The following CFAP54 variants were observed in gnomAD, a reference collection of about 807,000 sequenced individuals.
The protein encoded by CFAP54 is cilia and flagella associated protein 54.
A neutral mutation model predicts 370.4 loss-of-function variants in CFAP54; 290 were observed. The ratio of observed to expected loss-of-function variants is 0.78; its 90% CI spans 0.71 to 0.86. The LOEUF (loss-of-function observed/expected upper bound fraction) is 0.86. Ranked by LOEUF, CFAP54 falls within the 40% of genes least tolerant of loss-of-function variation. The pLI is 0.00. For synonymous variants in CFAP54, 1,206 were observed against 1,236.5 expected (o/e 0.98, Z 0.52); for missense variants, 3,399 against 3,528.7 (o/e 0.96, Z 0.93).
intron 3 of CFAP54, 95 bp downstream of exon 3, chr12:96,504,124 C>T: frequency 8.4e-7 from 1 of 1,190,286 alleles, no homozygotes; most frequent in Non-Finnish European, 1.1e-6. Flanking sequence ...GTTGGCTTAG[C>T]ATAGCATCTA....
chr12:96,651,543 A>G, intron 35 of CFAP54, 45 bp from the exon 36 acceptor site: 1 of 1,488,920 alleles, frequency 6.7e-7, no homozygotes, highest in Non-Finnish European at 9.3e-7. Context: ...AGAGATCTGT[A>G]ACTTTTGGAA....
rs993140240 is a variant in CFAP54 at position 96,621,455 on chromosome 12, G to GT, written c.3640-127dup. The GT allele has an allele frequency of 1.7e-3, 984 of 565,576 alleles. 6 individuals are homozygous for GT. Among genetic ancestry groups the GT allele is most frequent in the African/African-American group, 0.013 (708 of 52,648 alleles). The allele number at this position is 565,576 out of a possible 1,614,324, so 35.0% of individuals were successfully genotyped here. A position where few individuals can be genotyped will look rare whatever the true frequency, so the allele number is the denominator to read the frequency against. ...AATACGATCTGGAGGTAAACTTACG[G>GT]TTTTTTTTAAAATAAAAGGGGGATT... On this transcript the variant is annotated intron_variant, in intron 26 of 67. Transcript: ENST00000524981.
chr12:96,843,854 G>T (rs1049413503), intron 66 of CFAP54, among the ~76,000 whole-genome samples: 4 of 152,156 alleles, frequency 2.6e-5, no homozygotes, highest in Admixed American at 2.6e-4. Context: ...CTAAGAGGCT[G>T]CCTGGAGTAG....
Position 96,869,125 on chromosome 12 carries a change from T to C in CFAP54, c.*15-5993T>C, listed in dbSNP as rs143668720. ...CAAAACAATATCCATTTCTGACTAA[T>C]TAGTTTAAAACAATTTGGGAGACAT... On this transcript the variant is annotated intron_variant, in intron 67 of 67. Transcript: ENST00000524981. 8.0e-4 allele frequency among the ~76,000 whole-genome samples: 122 copies of C among 152,334 alleles called. No individual in the cohort carries two copies. The East Asian group carries it at 0.02, about 25-fold the overall frequency.
intron 66 of CFAP54, among the ~76,000 whole-genome samples, chr12:96,843,046 A>G (rs1359264908): frequency 6.6e-6 from 1 of 152,182 alleles, no homozygotes; most frequent in African/African-American, 2.4e-5. Flanking sequence ...TGGACCCACA[A>G]GGTCTGTCCT....
chr12:96,807,919 C>T (rs945865747), intron 63 of CFAP54, among the ~76,000 whole-genome samples: 29 of 152,154 alleles, frequency 1.9e-4, no homozygotes, highest in Non-Finnish European at 4.4e-5. Context: ...ATAGGGATTA[C>T]ACATCTCCAT....
At chr12:96,803,329 G>A (rs1958842379) in intron 63 of CFAP54, among the ~76,000 whole-genome samples, 1 of 152,046 alleles carries the variant, frequency 6.6e-6, no homozygotes, top group Non-Finnish European at 1.5e-5. Context: ...CACAGCCTCT[G>A]TTGTTTCCTG....
chr12:96,655,586 A>T (rs1007466593), intron 36 of CFAP54, among the ~76,000 whole-genome samples: 18 of 152,174 alleles, frequency 1.2e-4, no homozygotes, highest in Admixed American at 2.0e-4. Context: ...AATACAGTGG[A>T]CAGAAGAACA....
intron 64 of CFAP54, among the ~76,000 whole-genome samples, chr12:96,814,542 G>T (rs972852733): frequency 6.6e-6 from 1 of 152,118 alleles, no homozygotes; most frequent in Non-Finnish European, 1.5e-5. Context: ...ATGACCTATT[G>T]TTTTTTAAGT....
intron 60 of CFAP54, among the ~76,000 whole-genome samples, chr12:96,771,125 C>T (rs1396969300): frequency 6.6e-6 from 1 of 152,172 alleles, no homozygotes; most frequent in Non-Finnish European, 1.5e-5. Context: ...GGGCCTGAAC[C>T]TGAGGACTTC....
intron 6 of CFAP54, among the ~76,000 whole-genome samples, chr12:96,520,902 T>C (rs1955302880): frequency 6.6e-6 from 1 of 152,232 alleles, no homozygotes; most frequent in South Asian, 2.1e-4. Context: ...CTGAAGGGTT[T>C]GATGCTGGTG....
In CFAP54 at chr12:96,740,052, A is replaced by G. The variant is rs930757853; in HGVS notation, c.7062A>G (p.Pro2354=). ...VQDDTENPVS[P]GTSVTENKDD... ...ATGACACAGAGAATCCTGTCTCTCC[A>G]GGAACTTCTGTAAGTATGACTTAAT... Residue 2354 remains proline, a synonymous_variant, in exon 51 of 68, where the codon CCA becomes CCG. Coordinates refer to ENST00000524981, the MANE Select transcript of CFAP54 (RefSeq NM_001306084.2). 6.3e-7 allele frequency: 1 copy of G among 1,576,128 alleles called. No homozygotes were observed. Among genetic ancestry groups the G allele is most frequent in the African/African-American group, 1.4e-5 (1 of 73,842 alleles).
rs187546639 is a variant in CFAP54 at position 96,652,958 on chromosome 12, A to G, written c.5100+1143A>G. On this transcript the variant is annotated intron_variant, in intron 36 of 67. Transcript: ENST00000524981. Reference sequence around the variant, plus strand: ...GAAGACATGTCAATCATAAATATGTATGTACCTAATAAGAAAAATTCAAAA... The same window carrying G: ...GAAGACATGTCAATCATAAATATGTGTGTACCTAATAAGAAAAATTCAAAA... 9.8e-5 allele frequency among the ~76,000 whole-genome samples: 15 copies of G among 152,374 alleles called. No homozygotes were observed. In the East Asian group the frequency reaches 2.9e-3, roughly 29 times the overall value.
At chr12:96,667,310 G>T (rs1193437890) in intron 39 of CFAP54, among the ~76,000 whole-genome samples, 1 of 152,158 alleles carries the variant, frequency 6.6e-6, no homozygotes, top group Admixed American at 6.5e-5. Context: ...GACTCTGTGT[G>T]GGGGCTCCAA....
Position 96,576,736 on chromosome 12 carries a change from C to G in CFAP54, c.2771C>G (p.Pro924Arg), listed in dbSNP as rs1345200686. The G allele has an allele frequency of 8.5e-6, 13 of 1,535,524 alleles. No individual in the cohort carries two copies. Among genetic ancestry groups the G allele is most frequent in the Non-Finnish European group, 1.1e-5 (13 of 1,146,594 alleles). The change falls in exon 20 of 68, where the codon CCT becomes CGT. Residue 924 changes from proline (P) to arginine (R), a missense_variant. By Grantham distance (103) the Pro-to-Arg change is moderately radical. Coordinates refer to ENST00000524981, the MANE Select transcript of CFAP54 (RefSeq NM_001306084.2). ...ACTCATTGTTCTGTGACACTCAAACCTGCTCCATTTACTTCAGAGGTTAAG... is the reference window on the plus strand; with the variant it reads ...ACTCATTGTTCTGTGACACTCAAACGTGCTCCATTTACTTCAGAGGTTAAG... ...SRTHCSVTLK[P>R]APFTSEVKVS... is the part of the protein sequence containing the mutation.
At chr12:96,701,782 G>C (rs114441414) in intron 46 of CFAP54, among the ~76,000 whole-genome samples, 2,805 of 152,158 alleles carry the variant, frequency 0.018, 105 homozygotes, top group African/African-American at 0.065. Context: ...AGGAGGAGGA[G>C]GAGGAGGAGG....
At chr12:96,493,874 A>G (rs928977697) in intron 1 of CFAP54, among the ~76,000 whole-genome samples, 7 of 152,228 alleles carry the variant, frequency 4.6e-5, no homozygotes, top group Non-Finnish European at 1.0e-4. Flanking sequence ...TTCCCATTAG[A>G]AATTAAAAAG....
intron 60 of CFAP54, 141 bp downstream of exon 60, chr12:96,765,359 T>C: frequency 1.6e-6 from 1 of 618,750 alleles, no homozygotes; most frequent in Non-Finnish European, 2.5e-6. Flanking sequence ...ATCATAGGGG[T>C]CCTAGGGCCA....
At chr12:96,620,670 G>T (rs904814454) in intron 26 of CFAP54, among the ~76,000 whole-genome samples, 2 of 152,236 alleles carry the variant, frequency 1.3e-5, no homozygotes, top group African/African-American at 4.8e-5. Context: ...TATACTCCTA[G>T]TTGCCCTAAG....
Sources: allele counts gnomAD v4.1 joint callset (sites outside exome capture counted in the v4.1 genomes callset), GRCh38; gene constraint gnomAD v4.1.1; transcripts MANE v1.5; gene names NCBI Gene and HGNC (gene_info 2026-07-23, HGNC 2026-07-21).